Variants in STK32C observed in about 807,000 individuals in gnomAD.
STK32C encodes the protein serine/threonine-protein kinase 32C.
A neutral mutation model predicts 56.5 loss-of-function variants in STK32C; 31 were observed. That is an observed-to-expected ratio of 0.55 (90% confidence interval 0.41 to 0.74). The LOEUF is 0.74. Ranked by LOEUF, STK32C falls within the 30% of genes least tolerant of loss-of-function variation. The probability of loss-of-function intolerance (pLI) is 0.00; values close to 1 mark genes in which losing one functional copy is unlikely to be tolerated. For synonymous variants in STK32C, 309 were observed against 289.4 expected, an observed-to-expected ratio of 1.07 and a Z score of -0.69; for missense variants, 544 against 676.9, an observed-to-expected ratio of 0.80 and a Z score of 2.18.
exon 1 of STK32C, chr10:132,331,774 C>G: frequency 6.2e-7 from 1 of 1,608,964 alleles, no homozygotes; most frequent in Non-Finnish European, 8.5e-7. Flanking sequence ...AGGCCGGTCG[C>G]CCCTCCAGAC....
intron 1 of STK32C, among the ~76,000 whole-genome samples, chr10:132,279,117 A>G (rs1215263582): frequency 2.0e-5 from 3 of 152,232 alleles, no homozygotes; most frequent in Admixed American, 6.5e-5. Flanking sequence ...TCAATAGTCC[A>G]GCTGCACCCA....
At position 132,274,790 on chromosome 10, in the gene STK32C, C is replaced by T. The variant is rs574310641; in HGVS notation, c.263-28835G>A. On this transcript the variant is annotated intron_variant, in intron 1 of 11. Coordinates refer to ENST00000298630, the MANE Select transcript of STK32C (RefSeq NM_173575.4). ...TCCTCGGCAGTCGGCCACCTCCACC[C>T]CCAAGTCACCTGTCGCTCCGCCGCA... is the stretch of plus-strand genomic sequence containing the variant. 2.6e-5 allele frequency among the ~76,000 whole-genome samples: 4 copies of T among 152,352 alleles called. No individual in the cohort carries two copies. The East Asian group carries it at 7.7e-4, about 29-fold the overall frequency.
At chr10:132,330,727 C>G (rs1055306309) in intron 1 of STK32C, among the ~76,000 whole-genome samples, 1 of 145,366 alleles carries the variant, frequency 6.9e-6, no homozygotes. Context: ...CCAGGCTGGT[C>G]TCCAACTCCT....
At chr10:132,248,843 C>T (rs567555232) in intron 1 of STK32C, among the ~76,000 whole-genome samples, 40 of 152,302 alleles carry the variant, frequency 2.6e-4, no homozygotes, top group African/African-American at 8.7e-4. Flanking sequence ...GAGCCCTAAG[C>T]CTCTGGCCCC....
chr10:132,227,009 G>A (rs1224957135), intron 3 of STK32C, 41 bp from the exon 4 acceptor site: 4 of 1,606,986 alleles, frequency 2.5e-6, no homozygotes, highest in Admixed American at 1.7e-5. Context: ...GCACAGCTGG[G>A]GAGCCAGTCA....
At chr10:132,224,835 A>AG (rs2062824645) in intron 7 of STK32C, among the ~76,000 whole-genome samples, 1 of 152,080 alleles carries the variant, frequency 6.6e-6, no homozygotes, top group South Asian at 2.1e-4. Flanking sequence ...TGCAGGGCTG[A>AG]GGGGTACGGT....
At chr10:132,320,105 T>A (rs2066375628), downstream of STK32C, among the ~76,000 whole-genome samples, 1 of 151,026 alleles carries the variant, frequency 6.6e-6, no homozygotes, top group Non-Finnish European at 1.5e-5. Flanking sequence ...AAAAACTAGA[T>A]GGCACATTGC....
Position 132,217,133 on chromosome 10 carries a change from C to T in STK32C, c.1251+5508G>A, listed in dbSNP as rs547709863. Among the ~76,000 whole-genome samples the T allele has an allele frequency of 5.9e-5, 9 of 152,332 alleles. No individual in the cohort carries two copies. The East Asian group carries it at 9.6e-4, about 16-fold the overall frequency. ...CTCAATGCCAGCCCACGAAAGCAGC[C>T]GGGAGGAAGGCTGTACTCTGCAGAG... On this transcript the variant is annotated intron_variant, in intron 10 of 11. Transcript: ENST00000298630.
intron 1 of STK32C, among the ~76,000 whole-genome samples, chr10:132,248,134 C>T (rs1297000902): frequency 6.6e-6 from 1 of 152,242 alleles, no homozygotes; most frequent in Non-Finnish European, 1.5e-5. Context: ...AGCAAAGCCA[C>T]TCCAAGGCAG....
chr10:132,278,159 C>T (rs1474785683), intron 1 of STK32C, among the ~76,000 whole-genome samples: 2 of 152,176 alleles, frequency 1.3e-5, no homozygotes, highest in African/African-American at 4.8e-5. Flanking sequence ...GCAGCTCCAC[C>T]ATCACTCTGT....
At chr10:132,213,502 CT>C (rs1417943118) in intron 10 of STK32C, among the ~76,000 whole-genome samples, 1 of 152,252 alleles carries the variant, frequency 6.6e-6, no homozygotes, top group Non-Finnish European at 1.5e-5. Context: ...CTACAGCAGA[CT>C]TTAAACCCTG....
intron 1 of STK32C, among the ~76,000 whole-genome samples, chr10:132,301,830 G>T (rs2065918803): frequency 6.6e-6 from 1 of 152,226 alleles, no homozygotes; most frequent in Non-Finnish European, 1.5e-5. Flanking sequence ...CAACCCCGTG[G>T]TACAGAGGGT....
upstream of STK32C, among the ~76,000 whole-genome samples, chr10:132,309,286 T>C (rs1465954878): frequency 6.6e-6 from 1 of 152,098 alleles, no homozygotes; most frequent in Non-Finnish European, 1.5e-5. Flanking sequence ...CCCCCATCCC[T>C]TGGGGACTAT....
chr10:132,325,586 T>C (rs1365084165), intron 1 of STK32C, among the ~76,000 whole-genome samples: 2 of 151,620 alleles, frequency 1.3e-5, no homozygotes, highest in African/African-American at 4.8e-5. Context: ...CTGCACAAGT[T>C]CTTGCCTGCT....
chr10:132,228,730 G>A (rs545369971), intron 2 of STK32C, among the ~76,000 whole-genome samples: 1 of 152,208 alleles, frequency 6.6e-6, no homozygotes, highest in Non-Finnish European at 1.5e-5. Flanking sequence ...ACAGAGCCCT[G>A]CGCTCAGGAA....
At chr10:132,302,514 G>A (rs1001770004) in intron 1 of STK32C, among the ~76,000 whole-genome samples, 13 of 152,066 alleles carry the variant, frequency 8.5e-5, no homozygotes, top group African/African-American at 1.9e-4. Flanking sequence ...CGGGGTGCCC[G>A]GCAGGAGGCC....
chr10:132,278,541 C>A (rs562126334), intron 1 of STK32C, among the ~76,000 whole-genome samples: 52 of 152,052 alleles, frequency 3.4e-4, no homozygotes, highest in African/African-American at 1.2e-3. Flanking sequence ...GCGGGTGGAT[C>A]ACGAAGTCAG....
chr10:132,305,588 T>C (rs2066033735), intron 1 of STK32C, among the ~76,000 whole-genome samples: 1 of 152,184 alleles, frequency 6.6e-6, no homozygotes, highest in Non-Finnish European at 1.5e-5. Flanking sequence ...TGCACCAACC[T>C]GAAAGGGGTG....
chr10:132,292,698 C>T lies in STK32C; in HGVS notation c.262+14874G>A, dbSNP rs546584982. Among the ~76,000 whole-genome samples, 20 of 152,302 alleles carry T rather than the reference C, an allele frequency of 1.3e-4. No individual in the cohort carries two copies. In the South Asian group the frequency reaches 3.9e-3, roughly 30 times the overall value. On this transcript the variant is annotated intron_variant, in intron 1 of 11. Transcript: ENST00000298630. ...CTCTGAGGGGCACCCAACGCAAGAC[C>T]CCCACCCAAAGCAGGCCCTGGAATT... is the stretch of plus-strand genomic sequence containing the variant.
Sources: gnomAD v4.1 joint callset for allele counts (sites outside exome capture counted in the v4.1 genomes callset) on GRCh38, gnomAD v4.1.1 for gene constraint, MANE v1.5 for transcripts, NCBI Gene and HGNC (gene_info 2026-07-23, HGNC 2026-07-21) for gene names.